PRKN: variants seen among roughly 807,000 people sequenced by gnomAD.
PRKN encodes parkin RBR E3 ubiquitin protein ligase.
A neutral mutation model predicts 59.5 loss-of-function variants in PRKN; 56 were observed. The observed-to-expected ratio is 0.94, with a 90% CI of 0.76 to 1.18. The LOEUF is 1.18. Among genes scored for constraint, PRKN ranks in the 50% most tolerant of loss-of-function variants. The pLI, the probability that PRKN is intolerant of heterozygous loss-of-function variation, is 0.00. For missense variants in PRKN, 657 were observed against 596.4 expected, an observed-to-expected ratio of 1.10 and a Z score of -1.06; for synonymous variants, 250 against 222.1, an observed-to-expected ratio of 1.13 and a Z score of -1.12.
In PRKN at chr6:161,634,500, C is replaced by T. The variant is rs1409156755; in HGVS notation, c.872-65084G>A. Among the ~76,000 whole-genome samples, 3 of 152,226 alleles carry T rather than the reference C, an allele frequency of 2.0e-5. No individual in the cohort carries two copies. In the East Asian group the frequency reaches 5.8e-4, roughly 29 times the overall value. ...AAGCAACTTGCTGCAGGTCACACAG[C>T]TAGTAAGCACTAGGGTGTTTCCAAA... is the stretch of plus-strand genomic sequence containing the variant. On this transcript the variant is annotated intron_variant, in intron 7 of 11. Transcript: ENST00000366898.
At chr6:161,556,866 T>C (rs986853997) in intron 8 of PRKN, among the ~76,000 whole-genome samples, 3 of 152,198 alleles carry the variant, frequency 2.0e-5, no homozygotes, top group Non-Finnish European at 4.4e-5. Context: ...GTCTATGGAA[T>C]GCACAGTGAG....
intron 6 of PRKN, among the ~76,000 whole-genome samples, chr6:161,827,669 G>A (rs1249068580): frequency 6.6e-6 from 1 of 151,754 alleles, no homozygotes; most frequent in African/African-American, 2.4e-5. Context: ...CACCACACCG[G>A]GCTAATTTTT....
intron 4 of PRKN, among the ~76,000 whole-genome samples, chr6:162,055,724 G>A (rs1021417668): frequency 2.0e-5 from 3 of 152,130 alleles, no homozygotes; most frequent in Non-Finnish European, 2.9e-5. Flanking sequence ...TTTTACTACC[G>A]ACGACGTTTG....
rs1481486487 is a variant in PRKN at position 161,538,762 on chromosome 6, C to T, written c.1083+10092G>A. Among the ~76,000 whole-genome samples the T allele has an allele frequency of 1.3e-5, 2 of 152,078 alleles. No individual in the cohort carries two copies. Among genetic ancestry groups the T allele is most frequent in the African/African-American group, 2.4e-5 (1 of 41,414 alleles). The stretch of plus-strand genomic sequence containing the variant: ...TGGCTGGTCTTTACCCAAGAAAAGC[C>T]CTATTACCTCCCAGGAGCTTGTAGA... On this transcript the variant is annotated intron_variant, in intron 9 of 11. Transcript: ENST00000366898. The surrounding 1 kb of genome is among the most constrained non-coding windows in gnomAD (Gnocchi z 4.2).
intron 6 of PRKN, among the ~76,000 whole-genome samples, chr6:161,816,035 A>C (rs779475152): frequency 2.1e-4 from 32 of 152,258 alleles, no homozygotes; most frequent in Non-Finnish European, 3.5e-4. Context: ...GTGTGCATGC[A>C]AAAACTTGTA....
At chr6:161,690,712 C>T (rs1222089295) in intron 7 of PRKN, among the ~76,000 whole-genome samples, 1 of 152,158 alleles carries the variant, frequency 6.6e-6, no homozygotes, top group Non-Finnish European at 1.5e-5. Flanking sequence ...TCCGCCTGAC[C>T]TCTTGAGCTG....
chr6:161,830,365 C>T (rs1420049039), intron 6 of PRKN, among the ~76,000 whole-genome samples: 1 of 152,040 alleles, frequency 6.6e-6, no homozygotes, highest in East Asian at 1.9e-4. Flanking sequence ...CATTCTCCTG[C>T]CTCAGCCTCC....
chr6:162,327,734 G>A (rs906504172), intron 2 of PRKN, among the ~76,000 whole-genome samples: 11 of 152,302 alleles, frequency 7.2e-5, no homozygotes, highest in Middle Eastern at 6.8e-3. Context: ...CTCTGAGCGT[G>A]CATAACATGA....
chr6:162,160,745 G>A lies in PRKN; in HGVS notation c.534+40386C>T, dbSNP rs145398467. ...GCTGTCCTGGGACTCAAGGAACTGT[G>A]CTTTAAGAGGGGACTTTCTCCTGTA... On this transcript the variant is annotated intron_variant, in intron 4 of 11. Transcript: ENST00000366898. 6.2e-3 allele frequency among the ~76,000 whole-genome samples: 940 copies of A among 152,038 alleles called. 8 individuals are homozygous for A. Among genetic ancestry groups the A allele is most frequent in the African/African-American group, 0.021 (891 of 41,474 alleles).
At chr6:162,469,254 T>G (rs1040853350) in intron 1 of PRKN, among the ~76,000 whole-genome samples, 1 of 145,012 alleles carries the variant, frequency 6.9e-6, no homozygotes, top group African/African-American at 2.6e-5. Context: ...GCGGTCGAGA[T>G]GGACACGAGG....
rs757738248 is a variant in PRKN at position 161,360,132 on chromosome 6, G to A, written c.1241C>T (p.Thr414Ile). 1 of 1,614,004 alleles carries A rather than the reference G, an allele frequency of 6.2e-7. No homozygotes were observed. Among genetic ancestry groups the A allele is most frequent in the Non-Finnish European group, 8.5e-7 (1 of 1,179,884 alleles). The part of the protein sequence containing the change: ...EAASKETIKK[T>I]TKPCPRCHVP... Reference sequence around the variant, plus strand: ...ATGGCAGCGGGGACAGGGCTTGGTGGTTTTCTTGATGGTTTCTTTGGAGGC... The same window carrying A: ...ATGGCAGCGGGGACAGGGCTTGGTGATTTTCTTGATGGTTTCTTTGGAGGC... The change falls in exon 11 of 12, where the codon ACC becomes ATC. Residue 414 changes from threonine to isoleucine, a missense_variant. Physicochemically the swap from Thr to Ile is moderately conservative, Grantham distance 89. Transcript: ENST00000366898. This position sits in a 1 kb window ranked among gnomAD's most constrained non-coding sequence, Gnocchi z 5.1.
intron 7 of PRKN, among the ~76,000 whole-genome samples, chr6:161,771,404 A>G: frequency 6.7e-6 from 1 of 148,932 alleles, no homozygotes; most frequent in Non-Finnish European, 1.5e-5. Context: ...AAATAAAAGC[A>G]CTGCTGTGCT....
chr6:162,088,376 C>T (rs4708936), intron 4 of PRKN, among the ~76,000 whole-genome samples: 63,908 of 151,602 alleles, frequency 0.42, 13,605 homozygotes, highest in Admixed American at 0.48. Flanking sequence ...CACTGGAAAA[C>T]AGTAAATGAA....
At chr6:161,736,560 A>G (rs960608982) in intron 7 of PRKN, among the ~76,000 whole-genome samples, 1 of 152,212 alleles carries the variant, frequency 6.6e-6, no homozygotes, top group African/African-American at 2.4e-5. Context: ...CAGGGCAAAG[A>G]AAAGGAGGCT....
intron 1 of PRKN, among the ~76,000 whole-genome samples, chr6:162,489,560 C>A (rs188820890): frequency 1.3e-5 from 2 of 152,148 alleles, no homozygotes; most frequent in Admixed American, 1.3e-4. Flanking sequence ...CCTATTTTTA[C>A]GCAAAACCGC....
At chr6:161,883,240 G>T (rs138409516) in intron 6 of PRKN, among the ~76,000 whole-genome samples, 1,602 of 152,140 alleles carry the variant, frequency 0.011, 38 homozygotes, top group African/African-American at 0.037. Context: ...GGTGGCTCAT[G>T]CCTGTCATCC....
chr6:162,441,520 G>A (rs1338903623), intron 2 of PRKN, among the ~76,000 whole-genome samples: 2 of 152,060 alleles, frequency 1.3e-5, no homozygotes, highest in African/African-American at 4.8e-5. Flanking sequence ...TTTCAGGTGC[G>A]ATACGGCAGT....
rs968892261 is a variant in PRKN, at chr6:161,480,037, G to T, written c.1083+68817C>A. On this transcript the variant is annotated intron_variant, in intron 9 of 11. Coordinates refer to ENST00000366898, the MANE Select transcript of PRKN (RefSeq NM_004562.3). The surrounding 1 kb of genome is among the most constrained non-coding windows in gnomAD (Gnocchi z 4.1). ...GGTGCGGGATCATGGAAGCCCAGGT[G>T]AAGGTGAGCCTCTGTCAGCCTCGGC... 3.9e-5 allele frequency among the ~76,000 whole-genome samples: 6 copies of T among 152,218 alleles called. No homozygotes were observed. The highest frequency in any genetic ancestry group is 1.4e-4 in the African/African-American group (6 of 41,458).
At position 161,445,320 on chromosome 6, in the gene PRKN, G is replaced by A. The variant is rs1303081400; in HGVS notation, c.1084-58443C>T. Among the ~76,000 whole-genome samples, 1 of 152,116 alleles carries A rather than the reference G, an allele frequency of 6.6e-6. No homozygotes were observed. Among genetic ancestry groups the A allele is most frequent in the East Asian group, 1.9e-4 (1 of 5,166 alleles). ...TGCTCGGCACTGACCCAGGGGAGGAGGGCCACTTGGGCTGGAATGCAGTTG... is the reference window on the plus strand; with the variant it reads ...TGCTCGGCACTGACCCAGGGGAGGAAGGCCACTTGGGCTGGAATGCAGTTG... On this transcript the variant is annotated intron_variant, in intron 9 of 11. Transcript: ENST00000366898. This position sits in a 1 kb window ranked among gnomAD's most constrained non-coding sequence, Gnocchi z 7.7.
Sources: allele counts gnomAD v4.1 joint callset (sites outside exome capture counted in the v4.1 genomes callset), GRCh38; gene constraint gnomAD v4.1.1; non-coding constraint Gnocchi (gnomAD v3.1); transcripts MANE v1.5; gene names NCBI Gene and HGNC (gene_info 2026-07-23, HGNC 2026-07-21).